The following GALNT10 variants were observed in gnomAD, a reference collection of about 807,000 sequenced individuals.
The protein encoded by GALNT10 is polypeptide N-acetylgalactosaminyltransferase 10.
GALNT10 carries 41 observed loss-of-function variants against 75.0 expected under a neutral mutation model. The ratio of observed to expected loss-of-function variants is 0.55; its 90% CI spans 0.43 to 0.71. The LOEUF (loss-of-function observed/expected upper bound fraction) is 0.71. Among genes scored for constraint, GALNT10 ranks in the 30% least tolerant of loss-of-function variants. GALNT10 has a pLI of 0.00. For synonymous variants in GALNT10, 302 were observed against 313.0 expected, an observed-to-expected ratio of 0.96 and a Z score of 0.37; for missense variants, 727 against 818.5, an observed-to-expected ratio of 0.89 and a Z score of 1.36.
At chr5:154,306,403 G>A (rs1173621140) in intron 3 of GALNT10, among the ~76,000 whole-genome samples, 2 of 152,056 alleles carry the variant, frequency 1.3e-5, no homozygotes, top group Non-Finnish European at 2.9e-5. Flanking sequence ...CGATTAGAAA[G>A]TATATTACTT....
chr5:154,199,350 C>T (rs572523219), intron 1 of GALNT10, among the ~76,000 whole-genome samples: 27 of 152,262 alleles, frequency 1.8e-4, no homozygotes, highest in African/African-American at 6.3e-4. Flanking sequence ...TCCCCAGGGA[C>T]CCACTCCATT....
chr5:154,228,436 C>T (rs1753094934), intron 1 of GALNT10, among the ~76,000 whole-genome samples: 1 of 152,172 alleles, frequency 6.6e-6, no homozygotes. Flanking sequence ...GGGGATCCTT[C>T]GAGGGCTAGG....
intron 4 of GALNT10, among the ~76,000 whole-genome samples, chr5:154,347,954 G>A (rs1755153414): frequency 6.6e-6 from 1 of 152,156 alleles, no homozygotes; most frequent in African/African-American, 2.4e-5. Context: ...GTGGCTCAAG[G>A]CTCTCATTGA....
chr5:154,232,114 T>A (rs1174849633), intron 1 of GALNT10, among the ~76,000 whole-genome samples: 1 of 152,188 alleles, frequency 6.6e-6, no homozygotes, highest in African/African-American at 2.4e-5. Context: ...GGAAAGATAT[T>A]ATAAGCAGAT....
In GALNT10 at chr5:154,386,320, G is replaced by T; in HGVS notation, c.946G>T (p.Val316Leu). Residue 316 changes from valine (V) to leucine (L), a missense_variant, in exon 7 of 12, where the codon GTG (valine) becomes TTG (leucine). Coordinates refer to ENST00000297107, the MANE Select transcript of GALNT10 (RefSeq NM_198321.4). The part of the protein sequence containing the change: ...ADPSDPFESP[V>L]MAGGLFAVDR... Reference sequence around the variant, plus strand: ...GTTCTTCTTCTCTGACAGGTCTCCCGTGATGGCCGGTGGACTGTTCGCCGT... The same window carrying T: ...GTTCTTCTTCTCTGACAGGTCTCCCTTGATGGCCGGTGGACTGTTCGCCGT... The T allele has an allele frequency of 6.2e-7, 1 of 1,613,326 alleles. No homozygotes were observed.
At chr5:154,268,932 T>C (rs1485374438) in intron 1 of GALNT10, among the ~76,000 whole-genome samples, 5 of 151,784 alleles carry the variant, frequency 3.3e-5, no homozygotes, top group Admixed American at 3.3e-4. Context: ...AGACCAAGAG[T>C]TCAAGACCAG....
At chr5:154,294,951 C>T (rs753750671) in intron 2 of GALNT10, 33 bp downstream of exon 2, 2 of 968,270 alleles carry the variant, frequency 2.1e-6, no homozygotes, top group Admixed American at 3.4e-5. Context: ...TGGGTGGGCT[C>T]TGTGAAGGGC....
chr5:154,330,906 A>AGG (rs1554099022), intron 4 of GALNT10, among the ~76,000 whole-genome samples: 6 of 87,422 alleles, frequency 6.9e-5, no homozygotes, highest in African/African-American at 3.7e-4. Context: ...AGAGACAGAG[A>AGG]GGGTGTGTGT....
chr5:154,394,335 A>C (rs1192639488), intron 7 of GALNT10, among the ~76,000 whole-genome samples: 65 of 136,672 alleles, frequency 4.8e-4, no homozygotes, highest in African/African-American at 2.0e-3. Context: ...AAAAAAAAAA[A>C]AACTCTGATT....
intron 1 of GALNT10, among the ~76,000 whole-genome samples, chr5:154,262,491 A>C (rs73806124): frequency 0.01 from 1,556 of 152,298 alleles, 24 homozygotes; most frequent in African/African-American, 0.036. Context: ...TCCATCACTC[A>C]AGACAGCCCA....
chr5:154,409,361 T>C lies in GALNT10; in HGVS notation c.1165-180T>C. The stretch of plus-strand genomic sequence containing the variant: ...GGGCCAACTATAAGCTGTGAAGCCC[T>C]TAAAACATGCATAATGATAAATAGA... On this transcript the variant is annotated intron_variant, in intron 8 of 11. Transcript: ENST00000297107. This position sits in a 1 kb window ranked among gnomAD's most constrained non-coding sequence, Gnocchi z 4.5. The C allele has an allele frequency of 1.5e-6, 1 of 661,902 alleles. No individual in the cohort carries two copies. Among genetic ancestry groups the C allele is most frequent in the East Asian group, 2.5e-5 (1 of 39,254 alleles). 41.0% of individuals were successfully genotyped at this position (661,902 alleles called of 1,614,324 possible).
intron 3 of GALNT10, among the ~76,000 whole-genome samples, chr5:154,304,577 TA>T (rs942095322): frequency 2.0e-5 from 3 of 152,108 alleles, no homozygotes; most frequent in African/African-American, 7.2e-5. Context: ...ATATCTTTTT[TA>T]AAAAAAGATA....
chr5:154,226,847 T>G (rs1647609678), intron 1 of GALNT10, among the ~76,000 whole-genome samples: 1 of 152,102 alleles, frequency 6.6e-6, no homozygotes, highest in Non-Finnish European at 1.5e-5. Flanking sequence ...CTGTCCCTCC[T>G]GCACCTCCTC....
At chr5:154,292,811 G>A (rs28421979) in intron 1 of GALNT10, among the ~76,000 whole-genome samples, 1 of 152,192 alleles carries the variant, frequency 6.6e-6, no homozygotes, top group South Asian at 2.1e-4. Flanking sequence ...GGCAGAGCAA[G>A]CCCCTACTCT....
At chr5:154,240,182 A>G (rs1352859948) in intron 1 of GALNT10, among the ~76,000 whole-genome samples, 2 of 152,190 alleles carry the variant, frequency 1.3e-5, no homozygotes, top group African/African-American at 2.4e-5. Flanking sequence ...TGGGCCTGCC[A>G]TCTGGTGGGG....
intron 1 of GALNT10, among the ~76,000 whole-genome samples, chr5:154,210,345 C>T (rs963079369): frequency 5.3e-5 from 8 of 151,776 alleles, no homozygotes; most frequent in African/African-American, 1.9e-4. Context: ...CAAGTGCATG[C>T]ACACAGGCAC....
At chr5:154,326,881 T>G (rs1754764172) in intron 3 of GALNT10, among the ~76,000 whole-genome samples, 1 of 152,214 alleles carries the variant, frequency 6.6e-6, no homozygotes, top group South Asian at 2.1e-4. Flanking sequence ...AAGAGTAACT[T>G]TTATGGTATG....
chr5:154,276,335 A>G (rs889038351), intron 1 of GALNT10, among the ~76,000 whole-genome samples: 3 of 152,082 alleles, frequency 2.0e-5, no homozygotes, highest in African/African-American at 7.3e-5. Flanking sequence ...CTACCCATAC[A>G]TGGCCCCCTT....
intron 7 of GALNT10, among the ~76,000 whole-genome samples, chr5:154,400,203 C>T (rs951078470): frequency 1.3e-5 from 2 of 152,014 alleles, no homozygotes; most frequent in Non-Finnish European, 2.9e-5. Flanking sequence ...AAAGCCATGG[C>T]GGGGGCGGGG....
Sources: allele counts gnomAD v4.1 joint callset (sites outside exome capture counted in the v4.1 genomes callset), GRCh38; gene constraint gnomAD v4.1.1; non-coding constraint Gnocchi (gnomAD v3.1); transcripts MANE v1.5; gene names NCBI Gene and HGNC (gene_info 2026-07-23, HGNC 2026-07-21).